ANXA4: variants seen among roughly 807,000 people sequenced by gnomAD.
ANXA4 encodes the protein annexin A4.
Under a neutral mutation model 49.8 loss-of-function variants are expected in ANXA4, and 39 were observed. The ratio of observed to expected loss-of-function variants is 0.78; its 90% CI spans 0.61 to 1.02. The LOEUF (loss-of-function observed/expected upper bound fraction) is 1.02, where lower values mean the gene tolerates loss of function less well. Among genes scored for constraint, ANXA4 ranks in the 50% least tolerant of loss-of-function variants. The pLI is 0.00. For synonymous variants in ANXA4, 134 were observed against 152.5 expected (o/e 0.88, Z 0.89); for missense variants, 360 against 410.1 (o/e 0.88, Z 1.05).
chr2:69,807,852 G>T, intron 5 of ANXA4, 54 bp from the exon 6 acceptor site: 1 of 1,440,892 alleles, frequency 6.9e-7, no homozygotes, highest in East Asian at 2.3e-5. Context: ...CTGTGTCTGG[G>T]CCTCAGCTTT....
chr2:69,652,217 C>A (rs912481302), intron 1 of ANXA4, among the ~76,000 whole-genome samples: 1 of 151,714 alleles, frequency 6.6e-6, no homozygotes, highest in African/African-American at 2.4e-5. Context: ...TGTTGGCAAG[C>A]CTGGCCTCGA....
chr2:69,654,886 A>G (rs1004080573), intron 2 of ANXA4, among the ~76,000 whole-genome samples: 3 of 152,340 alleles, frequency 2.0e-5, no homozygotes, highest in African/African-American at 7.2e-5. Context: ...ATCTACAACC[A>G]TCTGATCTTT....
intron 8 of ANXA4, 59 bp downstream of exon 8, chr2:69,812,768 C>A: frequency 6.8e-7 from 1 of 1,467,300 alleles, no homozygotes; most frequent in Non-Finnish European, 9.5e-7. Context: ...ATGAGACAGG[C>A]CTTAGTGGGT....
At position 69,660,569 on chromosome 2, in the gene ANXA4, G is replaced by T. The variant is rs187771853; in HGVS notation, n.766+7287G>T. Among the ~76,000 whole-genome samples the T allele has an allele frequency of 9.2e-5, 14 of 152,068 alleles. No homozygotes were observed. The East Asian group carries it at 2.5e-3, about 27-fold the overall frequency. On this transcript the variant is annotated intron_variant and non_coding_transcript_variant, in intron 2 of 3. Coordinates refer to the ANXA4 transcript ENST00000418066. ...TTTAAAATAATTACAAATGAAATAAGAAATCAAAACCCTATGATTAGGAAA... is the reference window on the plus strand; with the variant it reads ...TTTAAAATAATTACAAATGAAATAATAAATCAAAACCCTATGATTAGGAAA...
intron 10 of ANXA4, 39 bp downstream of exon 10, chr2:69,818,733 G>A: frequency 7.3e-7 from 1 of 1,376,980 alleles, no homozygotes; most frequent in Non-Finnish European, 1.0e-6. Context: ...AATGTTTATA[G>A]ATTTTCCTTC....
At chr2:69,701,435 T>G (rs2105389873) in intron 2 of ANXA4, among the ~76,000 whole-genome samples, 1 of 152,328 alleles carries the variant, frequency 6.6e-6, no homozygotes, top group South Asian at 2.1e-4. Flanking sequence ...TTGACTACTC[T>G]GGCTACCTTG....
intron 2 of ANXA4, among the ~76,000 whole-genome samples, chr2:69,697,630 C>T (rs961945552): frequency 2.0e-4 from 31 of 152,174 alleles, no homozygotes; most frequent in African/African-American, 7.2e-4. Context: ...TTTCTAGCTT[C>T]GGATTCAAAA....
rs191984187 is a variant in ANXA4 at position 69,651,280 on chromosome 2, A to G, written n.482-1718A>G. Among the ~76,000 whole-genome samples the G allele has an allele frequency of 4.2e-4, 64 of 152,298 alleles. 1 individual carries two copies. The highest frequency in any genetic ancestry group is 1.5e-3 in the Admixed American group (23 of 15,300). On this transcript the variant is annotated intron_variant and non_coding_transcript_variant, in intron 1 of 3. Coordinates refer to the ANXA4 transcript ENST00000418066. ...TACCCACTTGGGAGAATGAGGCGAG[A>G]GGATTGCTTCAGCCCAGGAACTTGA...
chr2:69,683,781 T>C (rs1258720375), intron 2 of ANXA4, among the ~76,000 whole-genome samples: 1 of 152,222 alleles, frequency 6.6e-6, no homozygotes, highest in Non-Finnish European at 1.5e-5. Context: ...TGACAACACT[T>C]AGATGTGAAC....
At position 69,812,711 on chromosome 2, in the gene ANXA4, T is replaced by C; in HGVS notation, c.534+2T>C. On this transcript the variant is annotated splice_donor_variant, in intron 8 of 12. Transcript: ENST00000394295. LOFTEE classifies it high-confidence loss of function. The stretch of plus-strand genomic sequence containing the variant: ...GCTCTCGTGAGACAGGATGCCCAGG[T>C]TGGTAGAACTGCAGCTTCTTTCTTC... The C allele has an allele frequency of 2.5e-6, 4 of 1,614,032 alleles. No homozygotes were observed. Among genetic ancestry groups the C allele is most frequent in the Non-Finnish European group, 3.4e-6 (4 of 1,179,910 alleles).
chr2:69,805,046 CAAAAAAAAAA>C (rs60172949), intron 4 of ANXA4, among the ~76,000 whole-genome samples: 7 of 35,878 alleles, frequency 2.0e-4, no homozygotes, highest in Admixed American at 9.2e-4. Flanking sequence ...GACTCCATCT[CAAAAAAAAAA>C]AAAAAAAAAA....
At chr2:69,674,817 A>G (rs1677333007) in intron 2 of ANXA4, among the ~76,000 whole-genome samples, 1 of 152,022 alleles carries the variant, frequency 6.6e-6, no homozygotes, top group Non-Finnish European at 1.5e-5. Flanking sequence ...ATTCTCTGTC[A>G]TCCTCTTACA....
intron 1 of ANXA4, chr2:69,781,309 T>C: frequency 3.4e-6 from 2 of 586,842 alleles, no homozygotes; most frequent in South Asian, 4.2e-5. Context: ...GGTGGGAAAA[T>C]ATTTTACCAG....
rs1024815001 is a variant in ANXA4 at position 69,779,829 on chromosome 2, G to A, written c.-46-1691G>A. Among the ~76,000 whole-genome samples the A allele has an allele frequency of 1.2e-4, 19 of 152,186 alleles. 1 individual carries two copies. The highest frequency in any genetic ancestry group is 7.8e-4 in the Admixed American group (12 of 15,292). ...GAATGAGCCCTCTGCTGTCACTCCC[G>A]CATTTCCTCATTATTCCTGAAACTG... On this transcript the variant is annotated intron_variant, in intron 1 of 12. Transcript: ENST00000394295.
At chr2:69,717,519 T>G (rs1669677090) in intron 2 of ANXA4, among the ~76,000 whole-genome samples, 1 of 152,238 alleles carries the variant, frequency 6.6e-6, no homozygotes, top group Admixed American at 6.5e-5. Context: ...TATTATTTTG[T>G]GAGTTCAAGG....
At chr2:69,663,087 G>T (rs1390545521) in intron 2 of ANXA4, among the ~76,000 whole-genome samples, 1 of 145,178 alleles carries the variant, frequency 6.9e-6, no homozygotes, top group African/African-American at 2.5e-5. Context: ...CCGCCTCCCA[G>T]GTTCACGCCA....
intron 1 of ANXA4, among the ~76,000 whole-genome samples, chr2:69,754,382 A>G (rs1670967111): frequency 6.6e-6 from 1 of 152,222 alleles, no homozygotes; most frequent in African/African-American, 2.4e-5. Context: ...AAACCTCAGC[A>G]TGTATCAGAA....
At chr2:69,735,320 C>A (rs1195956541) in intron 3 of ANXA4, among the ~76,000 whole-genome samples, 1 of 152,130 alleles carries the variant, frequency 6.6e-6, no homozygotes, top group East Asian at 1.9e-4. Context: ...AGATGTGCAA[C>A]CTCCTTGGAC....
chr2:69,659,861 G>C (rs1175382311), intron 2 of ANXA4, among the ~76,000 whole-genome samples: 2 of 152,174 alleles, frequency 1.3e-5, no homozygotes, highest in Non-Finnish European at 2.9e-5. Context: ...GCAATTGCTG[G>C]TGGCAGTGGG....
Sources: allele counts gnomAD v4.1 joint callset (sites outside exome capture counted in the v4.1 genomes callset), GRCh38; gene constraint gnomAD v4.1.1; transcripts MANE v1.5; gene names NCBI Gene and HGNC (gene_info 2026-07-23, HGNC 2026-07-21).